The following GAN variants were observed in gnomAD, a reference collection of about 807,000 sequenced individuals.
GAN encodes gigaxonin.
A neutral mutation model predicts 71.3 loss-of-function variants in GAN; 48 were observed. That is an observed-to-expected ratio of 0.67 (90% CI 0.53 to 0.86). The LOEUF is 0.86. GAN is among the 40% of genes least tolerant of loss of function. The pLI, the probability that GAN is intolerant of heterozygous loss-of-function variation, is 0.00. For missense variants in GAN, 928 were observed against 770.1 expected (o/e 1.21, Z -2.43); for synonymous variants, 386 against 276.8 (o/e 1.39, Z -3.92).
chr16:81,378,610 A>G lies in GAN; in HGVS notation c.*1014A>G, dbSNP rs898232929. ...GTTTACTACTGTTTAGGGTTTGAAA[A>G]CTTGTCTTAGAATGCGAATCTGTGT... is the stretch of plus-strand genomic sequence containing the variant. On this transcript the variant is annotated 3_prime_UTR_variant, in exon 11 of 11. Transcript: ENST00000648994. 1 of 152,644 alleles carries G rather than the reference A, an allele frequency of 6.6e-6. No individual in the cohort carries two copies. Among genetic ancestry groups the G allele is most frequent in the Non-Finnish European group, 1.5e-5 (1 of 68,034 alleles). 9.5% of individuals were successfully genotyped at this position (152,644 alleles called of 1,614,324 possible).
Position 81,357,821 on chromosome 16 carries a change from C to T in GAN, c.863C>T (p.Pro288Leu). The change falls in exon 5 of 11, where the codon CCC (proline) becomes CTC (leucine). Residue 288 changes from proline (P) to leucine (L), a missense_variant. By Grantham distance (98) the Pro-to-Leu change is moderately conservative. Coordinates refer to ENST00000648994, the MANE Select transcript of GAN (RefSeq NM_022041.4). ...VGGEERVSRKPTAAMRCMCPL... is the reference protein window; with the variant it reads ...VGGEERVSRKLTAAMRCMCPL... ...ATTTACTTCCTTAGTTCACGGAAAC[C>T]CACAGCAGCGATGCGATGCATGTGC... is the stretch of plus-strand genomic sequence containing the variant. 5 of 1,613,518 alleles carry T rather than the reference C, an allele frequency of 3.1e-6. No homozygotes were observed. Among genetic ancestry groups the T allele is most frequent in the Non-Finnish European group, 4.2e-6 (5 of 1,179,462 alleles).
intron 7 of GAN, among the ~76,000 whole-genome samples, chr16:81,364,203 A>G (rs1463956049): frequency 1.3e-5 from 2 of 152,040 alleles, no homozygotes; most frequent in African/African-American, 2.4e-5. Flanking sequence ...TGAGTGTGCA[A>G]ATGGTGCAGC....
At chr16:81,351,005 A>G (rs59579335) in intron 1 of GAN, among the ~76,000 whole-genome samples, 3,200 of 152,362 alleles carry the variant, frequency 0.021, 57 homozygotes, top group East Asian at 0.082. Flanking sequence ...AGTCATTTAT[A>G]TAAAACAATA....
intron 1 of GAN, among the ~76,000 whole-genome samples, chr16:81,321,957 C>G (rs533523279): frequency 5.3e-5 from 8 of 152,252 alleles, no homozygotes; most frequent in African/African-American, 1.9e-4. Flanking sequence ...AGCTCTGGCT[C>G]TGTGGAGGAT....
At chr16:81,318,433 C>T (rs1224421371) in intron 1 of GAN, among the ~76,000 whole-genome samples, 1 of 152,038 alleles carries the variant, frequency 6.6e-6, no homozygotes, top group Non-Finnish European at 1.5e-5. Context: ...GAGGTGGAGG[C>T]GGGAGGATCG....
At chr16:81,362,089 G>T (rs1200635720) in intron 5 of GAN, among the ~76,000 whole-genome samples, 1 of 152,188 alleles carries the variant, frequency 6.6e-6, no homozygotes, top group African/African-American at 2.4e-5. Flanking sequence ...GTTTTGAATA[G>T]AAAGTGCACA....
intron 1 of GAN, among the ~76,000 whole-genome samples, 179 bp downstream of exon 1, chr16:81,315,459 C>A (rs923745694): frequency 5.3e-5 from 8 of 151,878 alleles, no homozygotes; most frequent in Non-Finnish European, 1.0e-4. Flanking sequence ...CTGACCGCGT[C>A]CCCCAGGCGG....
At chr16:81,343,244 G>C (rs1274668392) in intron 1 of GAN, among the ~76,000 whole-genome samples, 1 of 152,184 alleles carries the variant, frequency 6.6e-6, no homozygotes, top group African/African-American at 2.4e-5. Context: ...AATAGAAAAA[G>C]GGGGAATCCT....
At chr16:81,328,042 C>T (rs538676073) in intron 1 of GAN, among the ~76,000 whole-genome samples, 64 of 152,324 alleles carry the variant, frequency 4.2e-4, no homozygotes, top group African/African-American at 1.5e-3. Context: ...GCTGCGTCAT[C>T]GTTTTAATCG....
At chr16:81,360,056 TGG>T (rs370656529) in intron 5 of GAN, among the ~76,000 whole-genome samples, 7,147 of 89,748 alleles carry the variant, frequency 0.08, 229 homozygotes, top group South Asian at 0.089. Context: ...GATGGATGGA[TGG>T]ATGGATGGAT....
intron 6 of GAN, 52 bp downstream of exon 6, chr16:81,362,663 G>A (rs779272184): frequency 8.2e-6 from 8 of 975,316 alleles, no homozygotes; most frequent in Admixed American, 3.4e-5. Context: ...TCCCCTTAGC[G>A]CTTCTGTTTG....
rs1910504382 is a variant in GAN, at chr16:81,356,882, T to C, written c.731T>C (p.Ile244Thr). 16 of 1,613,658 alleles carry C rather than the reference T, an allele frequency of 9.9e-6. No individual in the cohort carries two copies. The highest frequency in any genetic ancestry group is 1.4e-5 in the Non-Finnish European group (16 of 1,179,782). The change falls in exon 4 of 11, where the codon ATT becomes ACT. Residue 244 changes from isoleucine to threonine, a missense_variant. Coordinates refer to ENST00000648994, the MANE Select transcript of GAN (RefSeq NM_022041.4). ...CTGAATGAACCATTAGTACGAGAAA[T>C]TGTCAAAGAGTGTAGCAATATACCG... Reference protein sequence around the residue: ...QMLNEPLVREIVKECSNIPLS... With the variant: ...QMLNEPLVRETVKECSNIPLS...
In GAN at chr16:81,387,419, TTGTCC is replaced by T. The variant is rs1271753810; in HGVS notation, c.*9825_*9829del. ...ACCTGATTGTTGTCATGGTTTTGTC[TTGTCC>T]TCCTCCCTGGTGAAAGTCTACTGCA... On this transcript the variant is annotated 3_prime_UTR_variant, in exon 11 of 11. Transcript: ENST00000648994. The T allele has an allele frequency of 6.6e-6, 1 of 152,270 alleles. No homozygotes were observed. Among genetic ancestry groups the T allele is most frequent in the Non-Finnish European group, 1.5e-5 (1 of 68,100 alleles). 9.4% of individuals were successfully genotyped at this position (152,270 alleles called of 1,614,324 possible).
At chr16:81,373,853 CT>C (rs1056348603) in intron 9 of GAN, among the ~76,000 whole-genome samples, 92 of 152,344 alleles carry the variant, frequency 6.0e-4, no homozygotes, top group African/African-American at 2.1e-3. Flanking sequence ...AGTGATTCTC[CT>C]GCCTCAGCCT....
chr16:81,344,045 C>T (rs1227551248), intron 1 of GAN, among the ~76,000 whole-genome samples: 2 of 152,126 alleles, frequency 1.3e-5, no homozygotes, highest in Non-Finnish European at 2.9e-5. Context: ...CATAGGAATA[C>T]AACTTACAAG....
chr16:81,336,173 C>G (rs942019117), intron 1 of GAN, among the ~76,000 whole-genome samples: 1 of 152,190 alleles, frequency 6.6e-6, no homozygotes, highest in Non-Finnish European at 1.5e-5. Context: ...CACCTGTAGG[C>G]CCCTGGCACC....
chr16:81,367,042 C>G (rs1032950072), intron 9 of GAN, among the ~76,000 whole-genome samples: 1 of 152,006 alleles, frequency 6.6e-6, no homozygotes, highest in Non-Finnish European at 1.5e-5. Context: ...CCAGGTTGGT[C>G]TCGAACTCCT....
intron 4 of GAN, 147 bp downstream of exon 4, chr16:81,357,149 A>G: frequency 1.5e-6 from 1 of 688,470 alleles, no homozygotes; most frequent in Non-Finnish European, 2.7e-6. Flanking sequence ...GTACATGTGC[A>G]CAATGTGCAG....
rs1480718608 is a variant in GAN, at chr16:81,315,221, C to T, written c.108C>T (p.Leu36=). 5.7e-6 allele frequency: 9 copies of T among 1,581,790 alleles called. No homozygotes were observed. Among genetic ancestry groups the T allele is most frequent in the Non-Finnish European group, 7.7e-6 (9 of 1,166,206 alleles). The change falls in exon 1 of 11, where the codon CTC becomes CTT. Residue 36 remains leucine (L), a synonymous_variant. Coordinates refer to ENST00000648994, the MANE Select transcript of GAN (RefSeq NM_022041.4). ...GCTTCTGCGACGCGCACCTGGTCCT[C>T]GACGGGGAGGAGATCCCGGTGCAGA... is the stretch of plus-strand genomic sequence containing the variant. The part of the protein sequence containing the change: ...ESRFCDAHLV[L]DGEEIPVQKN...
Sources: allele counts gnomAD v4.1 joint callset (sites outside exome capture counted in the v4.1 genomes callset), GRCh38; gene constraint gnomAD v4.1.1; transcripts MANE v1.5; gene names NCBI Gene and HGNC (gene_info 2026-07-23, HGNC 2026-07-21).